Variants in NRCAM observed in about 807,000 individuals in gnomAD.
NRCAM encodes the protein neuronal cell adhesion molecule.
In NRCAM, 83 loss-of-function variants were observed where a neutral mutation model predicts 156.5. The ratio of observed to expected loss-of-function variants is 0.53; its 90% CI spans 0.44 to 0.64. NRCAM has a LOEUF of 0.64. NRCAM is among the 30% of genes least tolerant of loss of function. The pLI is 0.00. For synonymous variants in NRCAM, 538 were observed against 563.9 expected (o/e 0.95, Z 0.65); for missense variants, 1,417 against 1,597.3 (o/e 0.89, Z 1.92).
intron 3 of NRCAM, among the ~76,000 whole-genome samples, chr7:108,263,199 A>G (rs2096949737): frequency 6.6e-6 from 1 of 152,252 alleles, no homozygotes; most frequent in Non-Finnish European, 1.5e-5. Context: ...TCCAGGAGGA[A>G]TAACCAAATC....
chr7:108,244,089 T>C (rs1239611342), intron 3 of NRCAM, among the ~76,000 whole-genome samples: 1 of 152,136 alleles, frequency 6.6e-6, no homozygotes, highest in East Asian at 1.9e-4. Context: ...AAATAAAACC[T>C]TTCTTTTTCT....
chr7:108,340,021 C>T (rs1171663691), intron 2 of NRCAM, among the ~76,000 whole-genome samples: 1 of 152,154 alleles, frequency 6.6e-6, no homozygotes, highest in Non-Finnish European at 1.5e-5. Context: ...GAAAAGAAGG[C>T]AAATGGAGTG....
chr7:108,230,281 A>G (rs1199682680), intron 8 of NRCAM, among the ~76,000 whole-genome samples: 1 of 151,060 alleles, frequency 6.6e-6, no homozygotes, highest in East Asian at 1.9e-4. Flanking sequence ...TATATCCAGA[A>G]TCTTACCATT....
intron 1 of NRCAM, among the ~76,000 whole-genome samples, chr7:108,452,779 C>T (rs188146428): frequency 1.3e-3 from 200 of 152,230 alleles, no homozygotes; most frequent in Middle Eastern, 6.8e-3. Flanking sequence ...CTATGGGTTA[C>T]CGAGCTTCTC....
chr7:108,352,944 C>A lies in NRCAM; in HGVS notation c.-173-40213G>T, dbSNP rs545501005. On this transcript the variant is annotated intron_variant, in intron 2 of 32. Coordinates refer to ENST00000379028, the MANE Select transcript of NRCAM (RefSeq NM_001037132.4). ...CATTGATTATGCCTCAAAATATATT[C>A]CAAACCTATTCATTTCTCTCTAAGC... Among the ~76,000 whole-genome samples, 86 of 152,156 alleles carry A rather than the reference C, an allele frequency of 5.7e-4. 1 individual carries two copies. The highest frequency in any genetic ancestry group is 3.4e-3 in the Middle Eastern group (1 of 294).
chr7:108,193,467 A>C (rs916427503), intron 17 of NRCAM, among the ~76,000 whole-genome samples: 3 of 152,192 alleles, frequency 2.0e-5, no homozygotes, highest in Admixed American at 2.0e-4. Context: ...TGAGGGTCTC[A>C]TCTGGAAAAT....
rs117894648 is a variant in NRCAM at position 108,406,274 on chromosome 7, G to A, written c.-331-6681C>T. Among the ~76,000 whole-genome samples the A allele has an allele frequency of 3.2e-3, 487 of 152,270 alleles. 1 individual carries two copies. Among genetic ancestry groups the A allele is most frequent in the Non-Finnish European group, 3.7e-3 (253 of 68,028 alleles). ...TTTAGGGAAAAGCAAGATGAGAAGT[G>A]ATTTTAGGCCAGAGGAGATTTGAGC... On this transcript the variant is annotated intron_variant, in intron 1 of 32. Transcript: ENST00000379028.
chr7:108,234,473 T>C (rs906408931), intron 6 of NRCAM, 110 bp downstream of exon 6: 1 of 683,164 alleles, frequency 1.5e-6, no homozygotes, highest in African/African-American at 1.8e-5. Context: ...AAAAAGGAAG[T>C]GCTCTACATA....
chr7:108,240,699 G>C (rs1028666514), intron 3 of NRCAM, among the ~76,000 whole-genome samples: 1 of 151,912 alleles, frequency 6.6e-6, no homozygotes, highest in Non-Finnish European at 1.5e-5. Context: ...CTCTGAGTTC[G>C]GGCCTTCCTC....
intron 1 of NRCAM, among the ~76,000 whole-genome samples, chr7:108,455,304 G>A (rs1379393089): frequency 6.6e-6 from 1 of 152,108 alleles, no homozygotes; most frequent in Non-Finnish European, 1.5e-5. Context: ...GGCGTGGAGG[G>A]GGCCGGGGGC....
chr7:108,355,561 T>C (rs1187110837), intron 2 of NRCAM, among the ~76,000 whole-genome samples: 1 of 152,198 alleles, frequency 6.6e-6, no homozygotes, highest in Non-Finnish European at 1.5e-5. Context: ...TCTGAAATTA[T>C]TAAATGGAAA....
intron 2 of NRCAM, among the ~76,000 whole-genome samples, chr7:108,381,801 T>A (rs1461179731): frequency 6.6e-6 from 1 of 152,060 alleles, no homozygotes; most frequent in Non-Finnish European, 1.5e-5. Flanking sequence ...CCTCAGGTGA[T>A]CCGCCTGCCT....
rs181280762 is a variant in NRCAM at position 108,202,788 on chromosome 7, C to T, written c.1208-4689G>A. Reference sequence around the variant, plus strand: ...ATATGTCACAGTGCCAGGAAGAGGTCTTCTGCCCATTCTCATTCTCTTAGT... The same window carrying T: ...ATATGTCACAGTGCCAGGAAGAGGTTTTCTGCCCATTCTCATTCTCTTAGT... On this transcript the variant is annotated intron_variant, in intron 13 of 32. Transcript: ENST00000379028. Among the ~76,000 whole-genome samples, 6 of 152,318 alleles carry T rather than the reference C, an allele frequency of 3.9e-5. No homozygotes were observed. In the East Asian group the frequency reaches 1.2e-3, roughly 29 times the overall value.
chr7:108,350,470 T>A (rs574333503), intron 2 of NRCAM, among the ~76,000 whole-genome samples: 10 of 152,248 alleles, frequency 6.6e-5, no homozygotes, highest in Non-Finnish European at 1.3e-4. Flanking sequence ...CAATGACCAA[T>A]GGCAGTTTGT....
chr7:108,371,094 A>G (rs895377930), intron 2 of NRCAM, among the ~76,000 whole-genome samples: 2 of 152,194 alleles, frequency 1.3e-5, no homozygotes, highest in Non-Finnish European at 2.9e-5. Flanking sequence ...ATGAAAAACA[A>G]AAGCTAGACC....
chr7:108,229,311 G>C (rs949230165), intron 8 of NRCAM, among the ~76,000 whole-genome samples: 5 of 152,256 alleles, frequency 3.3e-5, no homozygotes, highest in African/African-American at 1.2e-4. Context: ...TGCTGAGGCT[G>C]AACTACAGTG....
At chr7:108,174,511 A>G (rs1302654408) in intron 28 of NRCAM, among the ~76,000 whole-genome samples, 1 of 152,212 alleles carries the variant, frequency 6.6e-6, no homozygotes, top group Non-Finnish European at 1.5e-5. Flanking sequence ...ACTGCTCTCT[A>G]AAAAGCTGAC....
chr7:108,237,027 G>C (rs2095096817), intron 5 of NRCAM, among the ~76,000 whole-genome samples: 1 of 152,146 alleles, frequency 6.6e-6, no homozygotes, highest in Admixed American at 6.5e-5. Context: ...TGGGTCACCT[G>C]CTAATTAACA....
intron 2 of NRCAM, among the ~76,000 whole-genome samples, chr7:108,393,306 G>C (rs59723458): frequency 1.3e-5 from 2 of 152,042 alleles, no homozygotes; most frequent in South Asian, 2.1e-4. Flanking sequence ...CTTGCAGATC[G>C]ATCTCAGACT....
Sources: gnomAD v4.1 joint callset for allele counts (sites outside exome capture counted in the v4.1 genomes callset) on GRCh38, gnomAD v4.1.1 for gene constraint, MANE v1.5 for transcripts, NCBI Gene and HGNC (gene_info 2026-07-23, HGNC 2026-07-21) for gene names.